SLC39A11: variants seen among roughly 807,000 people sequenced by gnomAD.
SLC39A11 encodes the protein zinc transporter ZIP11.
Under a neutral mutation model 36.1 loss-of-function variants are expected in SLC39A11, and 33 were observed. That is an observed-to-expected ratio of 0.91 (90% CI 0.69 to 1.22). The LOEUF is 1.22. Ranked by LOEUF, SLC39A11 falls within the 50% of genes most tolerant of loss-of-function variation. SLC39A11 has a pLI of 0.00. For missense variants in SLC39A11, 432 were observed against 430.3 expected, an observed-to-expected ratio of 1.00 and a Z score of -0.03; for synonymous variants, 166 against 170.3, an observed-to-expected ratio of 0.97 and a Z score of 0.20.
intron 5 of SLC39A11, among the ~76,000 whole-genome samples, chr17:72,853,534 G>A (rs768798736): frequency 6.6e-5 from 10 of 151,872 alleles, no homozygotes; most frequent in Non-Finnish European, 1.5e-4. Flanking sequence ...AAATTCTAGC[G>A]TTCTGCTTGT....
intron 7 of SLC39A11, among the ~76,000 whole-genome samples, chr17:72,707,052 T>C (rs2072921819): frequency 1.3e-5 from 2 of 152,342 alleles, no homozygotes; most frequent in South Asian, 4.1e-4. Flanking sequence ...AATGTAAATA[T>C]ACAGTGGATT....
intron 5 of SLC39A11, among the ~76,000 whole-genome samples, chr17:72,856,798 G>A (rs184985744): frequency 8.5e-4 from 129 of 151,844 alleles, no homozygotes; most frequent in Admixed American, 2.4e-3. Flanking sequence ...CTCCTGCTTC[G>A]GCCTCCAGAG....
chr17:72,723,927 G>T (rs1030857213), intron 7 of SLC39A11, among the ~76,000 whole-genome samples: 1 of 152,246 alleles, frequency 6.6e-6, no homozygotes, highest in Middle Eastern at 3.4e-3. Context: ...AGGTAACGAC[G>T]GGATTGTATT....
At chr17:72,835,125 CATG>C (rs1298964012) in intron 6 of SLC39A11, among the ~76,000 whole-genome samples, 1 of 152,204 alleles carries the variant, frequency 6.6e-6, no homozygotes, top group African/African-American at 2.4e-5. Flanking sequence ...ACACCAGGAA[CATG>C]ATATGTTGAG....
chr17:72,684,142 T>G (rs566428585), intron 7 of SLC39A11, among the ~76,000 whole-genome samples: 23 of 152,296 alleles, frequency 1.5e-4, no homozygotes, highest in Admixed American at 1.3e-3. Context: ...GTTAGCAGTT[T>G]ACGATGATTA....
At chr17:72,754,057 C>T (rs1196385307) in intron 6 of SLC39A11, among the ~76,000 whole-genome samples, 1,017 of 35,212 alleles carry the variant, frequency 0.029, 6 homozygotes, top group South Asian at 0.054. Flanking sequence ...CACATACACA[C>T]ACACACACAC....
intron 3 of SLC39A11, among the ~76,000 whole-genome samples, chr17:73,078,579 C>T (rs965608452): frequency 2.0e-5 from 3 of 151,816 alleles, no homozygotes; most frequent in Non-Finnish European, 4.4e-5. Context: ...CTCCACCTTC[C>T]GGGTTCAAGC....
At chr17:73,057,237 A>G (rs79263906) in intron 3 of SLC39A11, among the ~76,000 whole-genome samples, 3,263 of 152,284 alleles carry the variant, frequency 0.021, 107 homozygotes, top group African/African-American at 0.075. Context: ...AAGTGCTGGG[A>G]TTACAGCAGG....
chr17:73,037,495 C>A (rs771553166), intron 3 of SLC39A11, among the ~76,000 whole-genome samples: 18 of 152,220 alleles, frequency 1.2e-4, no homozygotes, highest in Non-Finnish European at 2.2e-4. Flanking sequence ...GTGCTGAGTA[C>A]CAGGCCCAAG....
chr17:72,975,362 C>T (rs2087768078), intron 4 of SLC39A11, among the ~76,000 whole-genome samples: 1 of 152,172 alleles, frequency 6.6e-6, no homozygotes, highest in African/African-American at 2.4e-5. Flanking sequence ...TCACTTGAAC[C>T]CTGGAGGCAG....
In SLC39A11 at chr17:72,786,073, C is replaced by G. The variant is rs145887646; in HGVS notation, c.602-49354G>C. ...AAATTATCAGAAACCGACAGGGAGG[C>G]TAGTGACACCTTTATAGGGTAGCAA... On this transcript the variant is annotated intron_variant, in intron 6 of 9. Transcript: ENST00000255559. Among the ~76,000 whole-genome samples the G allele has an allele frequency of 1.1e-3, 160 of 152,280 alleles. 1 individual carries two copies. Among genetic ancestry groups the G allele is most frequent in the African/African-American group, 3.7e-3 (152 of 41,564 alleles).
chr17:72,901,096 T>C (rs766245509), intron 5 of SLC39A11, among the ~76,000 whole-genome samples: 3 of 151,786 alleles, frequency 2.0e-5, no homozygotes, highest in Admixed American at 6.6e-5. Context: ...AACTGAAAAA[T>C]CGTGTCCAAG....
intron 5 of SLC39A11, among the ~76,000 whole-genome samples, chr17:72,934,158 C>T (rs951000788): frequency 6.6e-6 from 1 of 151,082 alleles, no homozygotes; most frequent in African/African-American, 2.4e-5. Flanking sequence ...CCTTTGCAAA[C>T]TTAAGTTATG....
At chr17:72,774,501 A>C (rs1051294028) in intron 6 of SLC39A11, among the ~76,000 whole-genome samples, 4 of 152,204 alleles carry the variant, frequency 2.6e-5, no homozygotes, top group African/African-American at 9.6e-5. Context: ...CATGTAATTA[A>C]ACTGGCGAAG....
intron 4 of SLC39A11, among the ~76,000 whole-genome samples, chr17:73,020,046 CCTT>C (rs10530848): frequency 0.1 from 15,231 of 152,210 alleles, 1,366 homozygotes; most frequent in East Asian, 0.43. Context: ...GAATCACACT[CCTT>C]CTCCTTCTAT....
At chr17:73,001,415 G>T (rs1425601911) in intron 4 of SLC39A11, among the ~76,000 whole-genome samples, 2 of 112,112 alleles carry the variant, frequency 1.8e-5, no homozygotes, top group East Asian at 6.2e-4. Context: ...GACTGTTGTG[G>T]GGTGGGGGGA....
At chr17:72,657,842 G>T (rs1223177403) in intron 7 of SLC39A11, among the ~76,000 whole-genome samples, 1 of 152,326 alleles carries the variant, frequency 6.6e-6, no homozygotes, top group East Asian at 1.9e-4. Flanking sequence ...ACTCGCAATG[G>T]TCTGATGCAA....
chr17:72,885,087 T>C, intron 5 of SLC39A11, among the ~76,000 whole-genome samples: 1 of 152,228 alleles, frequency 6.6e-6, no homozygotes, highest in Non-Finnish European at 1.5e-5. Flanking sequence ...TCCACTTGTG[T>C]CAAGGACTTC....
intron 7 of SLC39A11, among the ~76,000 whole-genome samples, chr17:72,680,943 TC>T (rs2071485870): frequency 6.6e-6 from 1 of 152,172 alleles, no homozygotes; most frequent in African/African-American, 2.4e-5. Context: ...GTTTTCGGTT[TC>T]TTTGTTTGTT....
Sources: allele counts gnomAD v4.1 joint callset (sites outside exome capture counted in the v4.1 genomes callset), GRCh38; gene constraint gnomAD v4.1.1; transcripts MANE v1.5; gene names NCBI Gene and HGNC (gene_info 2026-07-23, HGNC 2026-07-21).